The following MCPH1 variants were observed in gnomAD, a reference collection of about 807,000 sequenced individuals.
MCPH1 encodes the protein microcephalin 1, also known as microcephalin.
In MCPH1, 104 loss-of-function variants were observed where a neutral mutation model predicts 84.5. That is an observed-to-expected ratio of 1.23 (90% CI 1.05 to 1.45). The LOEUF (loss-of-function observed/expected upper bound fraction) is 1.45. Among genes scored for constraint, MCPH1 ranks in the 40% most tolerant of loss-of-function variants. The pLI, the probability that MCPH1 is intolerant of heterozygous loss-of-function variation, is 0.00. For missense variants in MCPH1, 1,498 were observed against 1,005.7 expected (o/e 1.49, Z -6.62); for synonymous variants, 514 against 366.8 (o/e 1.40, Z -4.58).
intron 12 of MCPH1, among the ~76,000 whole-genome samples, chr8:6,539,408 G>C (rs140594668): frequency 1.3e-5 from 2 of 152,152 alleles, no homozygotes; most frequent in Admixed American, 6.5e-5. Flanking sequence ...TAAAGGCCGA[G>C]GGAGGGAAGC....
intron 9 of MCPH1, among the ~76,000 whole-genome samples, chr8:6,469,142 T>C (rs1037425417): frequency 6.6e-6 from 1 of 152,158 alleles, no homozygotes; most frequent in Non-Finnish European, 1.5e-5. Context: ...ATTGTACCAC[T>C]GCACTCCAGC....
intron 12 of MCPH1, among the ~76,000 whole-genome samples, chr8:6,569,013 G>A (rs977013704): frequency 6.6e-6 from 1 of 152,192 alleles, no homozygotes; most frequent in Non-Finnish European, 1.5e-5. Context: ...TGGGCGCCTG[G>A]CACACTAAGC....
chr8:6,480,837 G>C lies in MCPH1; in HGVS notation c.2097G>C (p.Leu699=). The C allele has an allele frequency of 6.2e-7, 1 of 1,614,192 alleles. No individual in the cohort carries two copies. Among genetic ancestry groups the C allele is most frequent in the African/African-American group, 1.3e-5 (1 of 75,046 alleles). ...CACTTCGCACCCTGAATGTGCTGCT[G>C]GGAATTGCGCGTGGCTGCTGGGTTC... is the stretch of plus-strand genomic sequence containing the variant. ...GKPLRTLNVL[L]GIARGCWVLS... The change falls in exon 11 of 14, where the codon CTG becomes CTC. Residue 699 remains leucine, a synonymous_variant. Transcript: ENST00000344683.
At chr8:6,591,000 C>T (rs1687253824) in intron 12 of MCPH1, among the ~76,000 whole-genome samples, 2 of 152,224 alleles carry the variant, frequency 1.3e-5, no homozygotes, top group South Asian at 4.1e-4. Flanking sequence ...TTCCTGGGCT[C>T]AAGTAATTCT....
chr8:6,448,425 C>G (rs1321817961), intron 8 of MCPH1, among the ~76,000 whole-genome samples: 1 of 152,178 alleles, frequency 6.6e-6, no homozygotes, highest in Non-Finnish European at 1.5e-5. Flanking sequence ...AGCTTTGGGA[C>G]CTTCAGTCTC....
chr8:6,525,569 A>T (rs1280904487), intron 12 of MCPH1, among the ~76,000 whole-genome samples: 1 of 152,178 alleles, frequency 6.6e-6, no homozygotes, highest in African/African-American at 2.4e-5. Flanking sequence ...ACTTTTGGGG[A>T]ATTATAAAAG....
Position 6,499,893 on chromosome 8 carries a change from G to A in MCPH1, c.2178G>A (p.Glu726=), listed in dbSNP as rs749552509. Residue 726 remains glutamate, a synonymous_variant, in exon 12 of 14, where the codon GAG becomes GAA. Coordinates refer to ENST00000344683, the MANE Select transcript of MCPH1 (RefSeq NM_024596.5). The stretch of plus-strand genomic sequence containing the variant: ...AATTGGGTCACTGGATTTCTGAGGA[G>A]CCGTTCGAACTGTCTCACCACTTCC... ...SLELGHWISE[E]PFELSHHFPA... 1.9e-6 allele frequency: 3 copies of A among 1,613,616 alleles called. No homozygotes were observed. Among genetic ancestry groups the A allele is most frequent in the South Asian group, 1.1e-5 (1 of 91,062 alleles).
At chr8:6,534,065 G>A (rs1448146810) in intron 12 of MCPH1, among the ~76,000 whole-genome samples, 3 of 152,060 alleles carry the variant, frequency 2.0e-5, no homozygotes, top group African/African-American at 4.8e-5. Flanking sequence ...CCCTCAGCCT[G>A]GTCACTAAGG....
intron 13 of MCPH1, among the ~76,000 whole-genome samples, chr8:6,641,212 A>AT (rs906615650): frequency 3.9e-5 from 6 of 151,992 alleles, no homozygotes; most frequent in Non-Finnish European, 5.9e-5. Flanking sequence ...TTTTTTCTGC[A>AT]TTTTTTTATG....
intron 13 of MCPH1, among the ~76,000 whole-genome samples, chr8:6,641,316 A>G (rs1797920362): frequency 6.6e-6 from 1 of 152,240 alleles, no homozygotes; most frequent in African/African-American, 2.4e-5. Flanking sequence ...ATGTGGCTGA[A>G]TGACTTTAAA....
intron 12 of MCPH1, among the ~76,000 whole-genome samples, chr8:6,550,447 C>G (rs1480897632): frequency 3.9e-5 from 6 of 152,230 alleles, no homozygotes; most frequent in Admixed American, 3.9e-4. Flanking sequence ...GCCAACCACT[C>G]AGCATCCAGC....
At chr8:6,493,302 G>T (rs1173738026) in intron 11 of MCPH1, among the ~76,000 whole-genome samples, 1 of 152,104 alleles carries the variant, frequency 6.6e-6, no homozygotes, top group Non-Finnish European at 1.5e-5. Flanking sequence ...AACTGGAAAG[G>T]ATTAGGTAGA....
intron 13 of MCPH1, among the ~76,000 whole-genome samples, chr8:6,632,548 G>A (rs1345281896): frequency 2.0e-5 from 3 of 152,158 alleles, no homozygotes; most frequent in African/African-American, 2.4e-5. Context: ...AGTGACTCAT[G>A]CCTGTAATCC....
chr8:6,620,169 C>G (rs2129580528), intron 12 of MCPH1: 1 of 152,380 alleles, frequency 6.6e-6, no homozygotes, highest in African/African-American at 2.4e-5. Context: ...TTTGCCCCTG[C>G]TGCCACTGTC....
intron 12 of MCPH1, chr8:6,527,441 C>T (rs915458973): frequency 3.0e-6 from 4 of 1,336,074 alleles, no homozygotes; most frequent in Admixed American, 2.1e-5. Flanking sequence ...GGTTTCTGAC[C>T]CTTACACTAG....
chr8:6,488,511 T>G (rs1810198879), intron 11 of MCPH1, among the ~76,000 whole-genome samples: 1 of 152,188 alleles, frequency 6.6e-6, no homozygotes, highest in African/African-American at 2.4e-5. Context: ...AGAAATAAAG[T>G]TTGATCACCA....
chr8:6,628,778 C>G (rs1796949203), intron 13 of MCPH1, among the ~76,000 whole-genome samples: 1 of 152,204 alleles, frequency 6.6e-6, no homozygotes, highest in African/African-American at 2.4e-5. Context: ...CTCTGAGGAT[C>G]AGAAAGGTTA....
intron 12 of MCPH1, among the ~76,000 whole-genome samples, chr8:6,597,715 TC>T (rs1829038332): frequency 6.6e-6 from 1 of 152,176 alleles, no homozygotes; most frequent in Non-Finnish European, 1.5e-5. Flanking sequence ...TGGGAACATT[TC>T]CTTCAACAGA....
intron 6 of MCPH1, among the ~76,000 whole-genome samples, 182 bp downstream of exon 6, chr8:6,439,278 G>C (rs980766670): frequency 6.6e-6 from 1 of 151,576 alleles, no homozygotes; most frequent in African/African-American, 2.4e-5. Context: ...TGAAGCATAT[G>C]TTGGGTGTAT....
Sources: allele counts gnomAD v4.1 joint callset (sites outside exome capture counted in the v4.1 genomes callset), GRCh38; gene constraint gnomAD v4.1.1; transcripts MANE v1.5; gene names NCBI Gene and HGNC (gene_info 2026-07-23, HGNC 2026-07-21).